The following PIAS2 variants were observed in gnomAD, a reference collection of about 807,000 sequenced individuals.
PIAS2 encodes E3 SUMO-protein ligase PIAS2.
A neutral mutation model predicts 69.7 loss-of-function variants in PIAS2; 19 were observed. The ratio of observed to expected loss-of-function variants is 0.27; its 90% CI spans 0.19 to 0.40. The LOEUF is 0.40. Ranked by LOEUF, PIAS2 falls within the 10% of genes least tolerant of loss-of-function variation. PIAS2 has a pLI of 1.00. For missense variants in PIAS2, 624 were observed against 757.0 expected (o/e 0.82, Z 2.06); for synonymous variants, 261 against 263.2 (o/e 0.99, Z 0.08).
At chr18:46,820,773 T>C (rs1052133789) in intron 12 of PIAS2, among the ~76,000 whole-genome samples, 160 bp downstream of exon 12, 3 of 152,154 alleles carry the variant, frequency 2.0e-5, no homozygotes, top group Non-Finnish European at 2.9e-5. Context: ...AAATAACAAC[T>C]GGATGTGATG....
At chr18:46,858,438 C>T (rs1434532057) in intron 3 of PIAS2, among the ~76,000 whole-genome samples, 3 of 152,140 alleles carry the variant, frequency 2.0e-5, no homozygotes, top group Non-Finnish European at 4.4e-5. Flanking sequence ...TGAAGCTGGG[C>T]GCAGTGGCTC....
intron 6 of PIAS2, among the ~76,000 whole-genome samples, chr18:46,845,530 C>G (rs576184860): frequency 1.3e-5 from 2 of 152,078 alleles, no homozygotes; most frequent in African/African-American, 4.8e-5. Flanking sequence ...AGCCAGAAAA[C>G]AACAGCGTCC....
intron 1 of PIAS2, among the ~76,000 whole-genome samples, chr18:46,911,483 T>C (rs2057263790): frequency 6.6e-6 from 1 of 152,138 alleles, no homozygotes; most frequent in African/African-American, 2.4e-5. Context: ...CTCAAAGTGC[T>C]GGGCTTACAG....
At chr18:46,865,473 G>A (rs1472116881) in intron 2 of PIAS2, among the ~76,000 whole-genome samples, 2 of 151,022 alleles carry the variant, frequency 1.3e-5, no homozygotes, top group African/African-American at 4.9e-5. Flanking sequence ...CTGGGAGGTG[G>A]AGGTTGCAGT....
At position 46,863,060 on chromosome 18, in the gene PIAS2, C is replaced by A. The variant is rs1479445035; in HGVS notation, c.584+1104G>T. Reference sequence around the variant, plus strand: ...AAATGCTACAGATTTCCTTTTCTTTCTTCTTACATCTCTTAGTTCATCTGC... The same window carrying A: ...AAATGCTACAGATTTCCTTTTCTTTATTCTTACATCTCTTAGTTCATCTGC... On this transcript the variant is annotated intron_variant, in intron 3 of 13. Coordinates refer to ENST00000585916, the MANE Select transcript of PIAS2 (RefSeq NM_004671.5). 3.3e-5 allele frequency among the ~76,000 whole-genome samples: 5 copies of A among 151,980 alleles called. No individual in the cohort carries two copies. In the East Asian group the frequency reaches 9.7e-4, roughly 29 times the overall value.
chr18:46,886,571 A>G (rs1045706639), intron 2 of PIAS2, among the ~76,000 whole-genome samples: 2 of 152,186 alleles, frequency 1.3e-5, no homozygotes, highest in African/African-American at 4.8e-5. Flanking sequence ...GGTGCAGTGG[A>G]TCACACCTGT....
Position 46,808,647 on chromosome 18 carries a change from A to G in PIAS2, c.*3786T>C, listed in dbSNP as rs1056088202. 2.6e-5 allele frequency: 4 copies of G among 152,220 alleles called. No individual in the cohort carries two copies. Among genetic ancestry groups the G allele is most frequent in the African/African-American group, 9.6e-5 (4 of 41,462 alleles). 9.4% of individuals were successfully genotyped at this position (152,220 alleles called of 1,614,324 possible). On this transcript the variant is annotated 3_prime_UTR_variant, in exon 14 of 14. Transcript: ENST00000585916. ...CAAATCACATGAACCTAGGACCACT[A>G]AATCCAATGTCAGACGTGTTTAAAT... is the stretch of plus-strand genomic sequence containing the variant.
intron 3 of PIAS2, among the ~76,000 whole-genome samples, chr18:46,856,012 T>TG (rs1310080386): frequency 1.5e-5 from 2 of 135,552 alleles, no homozygotes; most frequent in Admixed American, 7.4e-5. Flanking sequence ...TTTTTTTTTT[T>TG]TTTTTTTTTT....
At chr18:46,898,282 G>A (rs1437355061) in intron 1 of PIAS2, among the ~76,000 whole-genome samples, 1 of 151,850 alleles carries the variant, frequency 6.6e-6, no homozygotes, top group Non-Finnish European at 1.5e-5. Flanking sequence ...CAAATACTTG[G>A]GATTACTGGC....
Position 46,807,355 on chromosome 18 carries a change from TTATATATATATA to T in PIAS2, c.*5066_*5077del, listed in dbSNP as rs1289254598. On this transcript the variant is annotated 3_prime_UTR_variant, in exon 14 of 14. Transcript: ENST00000585916. ...AGGTGTTTCTGAAACATGTCAGATT[TTATATATATATA>T]TATATATATATATATATTTTTTTTT... 2.0e-4 allele frequency: 6 copies of T among 29,968 alleles called. No homozygotes were observed. Among genetic ancestry groups the T allele is most frequent in the African/African-American group, 2.1e-4 (1 of 4,782 alleles). 1.9% of individuals were successfully genotyped at this position (29,968 alleles called of 1,614,324 possible).
At position 46,808,342 on chromosome 18, in the gene PIAS2, A is replaced by C. The variant is rs1209621544; in HGVS notation, c.*4091T>G. ...TCTAAATTTTCCACAATAAGCATGT[A>C]CTACTGACATAAACAGAAAAAACAA... is the stretch of plus-strand genomic sequence containing the variant. On this transcript the variant is annotated 3_prime_UTR_variant, in exon 14 of 14. Transcript: ENST00000585916. 1 of 152,252 alleles carries C rather than the reference A, an allele frequency of 6.6e-6. No individual in the cohort carries two copies. The highest frequency in any genetic ancestry group is 1.5e-5 in the Non-Finnish European group (1 of 68,040). The allele number at this position is 152,252 out of a possible 1,614,324, so 9.4% of individuals were successfully genotyped here. A position where few individuals can be genotyped will look rare whatever the true frequency, so the allele number is the denominator to read the frequency against.
chr18:46,825,536 A>G (rs547369497), intron 11 of PIAS2, among the ~76,000 whole-genome samples: 1 of 152,260 alleles, frequency 6.6e-6, no homozygotes, highest in Admixed American at 6.5e-5. Flanking sequence ...CCACTCATCC[A>G]TCTTGCTCCA....
chr18:46,883,239 C>G (rs1218721002), intron 2 of PIAS2, among the ~76,000 whole-genome samples: 1 of 151,888 alleles, frequency 6.6e-6, no homozygotes, highest in South Asian at 2.1e-4. Context: ...ATTTTTGATT[C>G]CAAATATTAA....
chr18:46,863,088 T>C (rs2048917425), intron 3 of PIAS2, among the ~76,000 whole-genome samples: 3 of 152,194 alleles, frequency 2.0e-5, no homozygotes, highest in African/African-American at 7.2e-5. Context: ...TCATCTGCTC[T>C]TTACAAATGG....
At chr18:46,847,568 G>A (rs963214357) in intron 5 of PIAS2, among the ~76,000 whole-genome samples, 4 of 150,210 alleles carry the variant, frequency 2.7e-5, no homozygotes, top group African/African-American at 4.9e-5. Context: ...TGCAAGCTCC[G>A]CCTCTCGGGT....
In PIAS2 at chr18:46,803,893, A is replaced by G. The variant is rs1174039939; in HGVS notation, c.*8540T>C. 4.0e-5 allele frequency: 6 copies of G among 151,690 alleles called. No individual in the cohort carries two copies. Among genetic ancestry groups the G allele is most frequent in the Admixed American group, 2.0e-4 (3 of 15,208 alleles). 9.4% of individuals were successfully genotyped at this position (151,690 alleles called of 1,614,324 possible). A position where few individuals can be genotyped will look rare whatever the true frequency, so the allele number is the denominator to read the frequency against. On this transcript the variant is annotated 3_prime_UTR_variant, in exon 14 of 14. Coordinates refer to ENST00000585916, the MANE Select transcript of PIAS2 (RefSeq NM_004671.5). ...ATCCCCACTGTGCACTGCTCTACCC[A>G]CCCCTCATTAATGGCCCTTGCCCCT... is the stretch of plus-strand genomic sequence containing the variant.
intron 12 of PIAS2, chr18:46,815,611 C>A: frequency 9.0e-7 from 1 of 1,111,134 alleles, no homozygotes; most frequent in Non-Finnish European, 1.1e-6. Flanking sequence ...AAGGACTAGT[C>A]AAAACAAATA....
intron 2 of PIAS2, among the ~76,000 whole-genome samples, chr18:46,864,551 A>C (rs1376321440): frequency 2.0e-5 from 3 of 152,150 alleles, no homozygotes; most frequent in Non-Finnish European, 4.4e-5. Flanking sequence ...TGGGTGGATC[A>C]CCTGAGGTCG....
At position 46,806,407 on chromosome 18, in the gene PIAS2, G is replaced by GAGTAC. The variant is rs2040693658; in HGVS notation, c.*6021_*6025dup. 1 of 126,362 alleles carries GAGTAC rather than the reference G, an allele frequency of 7.9e-6. No individual in the cohort carries two copies. The highest frequency in any genetic ancestry group is 1.6e-5 in the Non-Finnish European group (1 of 62,596). The allele number at this position is 126,362 out of a possible 1,614,324, so 7.8% of individuals were successfully genotyped here. On this transcript the variant is annotated 3_prime_UTR_variant, in exon 14 of 14. Coordinates refer to ENST00000585916, the MANE Select transcript of PIAS2 (RefSeq NM_004671.5). The stretch of plus-strand genomic sequence containing the variant: ...TGGTCTCACTCTGTCACCCAGGCTG[G>GAGTAC]AGTACAGGGTCATGATCCTGAGTCA...
Sources: gnomAD v4.1 joint callset for allele counts (sites outside exome capture counted in the v4.1 genomes callset) on GRCh38, gnomAD v4.1.1 for gene constraint, MANE v1.5 for transcripts, NCBI Gene and HGNC (gene_info 2026-07-23, HGNC 2026-07-21) for gene names.